Variants in ZNF345 observed in about 807,000 individuals in gnomAD.
ZNF345 encodes zinc finger protein HZF10.
For synonymous variants in ZNF345, 166 were observed against 187.9 expected, an observed-to-expected ratio of 0.88 and a Z score of 0.95; for missense variants, 527 against 589.9, an observed-to-expected ratio of 0.89 and a Z score of 1.10.
At chr19:36,874,627 A>G (rs1245418106) in intron 2 of ZNF345, among the ~76,000 whole-genome samples, 1 of 152,008 alleles carries the variant, frequency 6.6e-6, no homozygotes, top group Non-Finnish European at 1.5e-5. Flanking sequence ...TAAAAATACA[A>G]AATTAGCCAG....
intron 2 of ZNF345, among the ~76,000 whole-genome samples, chr19:36,863,999 AG>A (rs2072608910): frequency 6.6e-6 from 1 of 152,250 alleles, no homozygotes; most frequent in Non-Finnish European, 1.5e-5. Context: ...AGATACTAAA[AG>A]GCATGACCAA....
chr19:36,870,060 C>T (rs1951067178), intron 2 of ZNF345, among the ~76,000 whole-genome samples: 1 of 152,178 alleles, frequency 6.6e-6, no homozygotes, highest in African/African-American at 2.4e-5. Context: ...GGATTACAGA[C>T]TTGAGCCACT....
At chr19:36,892,975 A>G (rs1049944751) in exon 4 of ZNF345, 8 of 445,794 alleles carry the variant, frequency 1.8e-5, no homozygotes, top group Non-Finnish European at 3.8e-6. Flanking sequence ...GCTCCAGGGC[A>G]TGCACCATGC....
At chr19:36,866,406 C>G (rs1308167649) in intron 2 of ZNF345, among the ~76,000 whole-genome samples, 4 of 152,150 alleles carry the variant, frequency 2.6e-5, no homozygotes. Flanking sequence ...TGAAGTGTAA[C>G]TATTAAGTAG....
At chr19:36,891,216 G>A (rs1600726481) in intron 3 of ZNF345, 1 of 322,462 alleles carries the variant, frequency 3.1e-6, no homozygotes, top group East Asian at 5.2e-5. Flanking sequence ...GTTAACAGAG[G>A]TTAGGAAAAA....
intron 3 of ZNF345, among the ~76,000 whole-genome samples, chr19:36,887,565 TATAA>T (rs1345204889): frequency 2.0e-5 from 3 of 152,196 alleles, no homozygotes; most frequent in South Asian, 4.1e-4. Context: ...TCAAATTATT[TATAA>T]ATAGTCATTC....
intron 2 of ZNF345, among the ~76,000 whole-genome samples, chr19:36,873,887 A>G (rs771311360): frequency 5.9e-5 from 9 of 152,120 alleles, no homozygotes; most frequent in Non-Finnish European, 1.0e-4. Context: ...CAGTGGGCAC[A>G]TAGGTTATTT....
In ZNF345 at chr19:36,878,351, G is replaced by T. The variant is rs180708969; in HGVS notation, c.*54G>T. The T allele has an allele frequency of 2.4e-5, 35 of 1,485,364 alleles. No individual in the cohort carries two copies. The East Asian group carries it at 7.1e-4, about 30-fold the overall frequency. The allele number at this position is 1,485,364 out of a possible 1,614,324, so 92.0% of individuals were successfully genotyped here. ...CATATGACTTAAGAAAATTCATAGT[G>T]GTGAAAATCTCTACAAATAGAACTA... On this transcript the variant is annotated 3_prime_UTR_variant, in exon 3 of 3. Coordinates refer to ENST00000420450, the MANE Select transcript of ZNF345 (RefSeq NM_001242472.2).
chr19:36,885,537 T>A (rs2146215088), intron 3 of ZNF345, among the ~76,000 whole-genome samples: 1 of 152,162 alleles, frequency 6.6e-6, no homozygotes. Context: ...CCTTTTTCTA[T>A]ATATGGTTAG....
chr19:36,873,959 G>A (rs2072823909), intron 2 of ZNF345, among the ~76,000 whole-genome samples: 1 of 152,092 alleles, frequency 6.6e-6, no homozygotes, highest in Admixed American at 6.5e-5. Context: ...ATCTTCATGA[G>A]GTAGTGATCT....
chr19:36,856,922 G>T (rs1467254167), intron 2 of ZNF345, among the ~76,000 whole-genome samples: 1 of 151,162 alleles, frequency 6.6e-6, no homozygotes, highest in East Asian at 1.9e-4. Context: ...AACACATTTA[G>T]AAAATAGAAG....
Position 36,877,600 on chromosome 19 carries a change from C to G in ZNF345, c.770C>G (p.Pro257Arg), listed in dbSNP as rs367854264. The change falls in exon 3 of 3, where the codon CCA becomes CGA. Residue 257 changes from proline (P) to arginine (R), a missense_variant. By Grantham distance (103) the Pro-to-Arg change is moderately radical (BLOSUM62 -2). Transcript: ENST00000420450. The part of the protein sequence containing the change: ...RHQRIHTGEK[P>R]YICNECGKAF... ...CAGAGAATTCATACCGGTGAGAAAC[C>G]ATATATATGTAATGAATGTGGTAAG... The G allele has an allele frequency of 1.3e-5, 21 of 1,613,886 alleles. No individual in the cohort carries two copies. The highest frequency in any genetic ancestry group is 1.8e-5 in the Non-Finnish European group (21 of 1,179,994).
In ZNF345 at chr19:36,877,028, A is replaced by G; in HGVS notation, c.198A>G (p.Glu66=). 6.2e-7 allele frequency: 1 copy of G among 1,614,180 alleles called. No homozygotes were observed. The highest frequency in any genetic ancestry group is 1.1e-5 in the South Asian group (1 of 91,086). The part of the protein sequence containing the change: ...HTDEKLLECK[E]CGKDFSFVSV... ...ATGAGAAACTCCTTGAATGTAAGGA[A>G]TGTGGGAAGGATTTTAGTTTTGTAT... Residue 66 remains glutamate, a synonymous_variant, in exon 3 of 3, where the codon GAA becomes GAG. Transcript: ENST00000420450.
At chr19:36,892,932 T>C (rs1185853793) in exon 4 of ZNF345, 9 of 885,000 alleles carry the variant, frequency 1.0e-5, no homozygotes, top group Non-Finnish European at 1.4e-5. Context: ...TGGAGGGCCA[T>C]GGAGGAGGAC....
intron 3 of ZNF345, among the ~76,000 whole-genome samples, chr19:36,885,935 C>T (rs2072993706): frequency 6.6e-6 from 1 of 152,134 alleles, no homozygotes; most frequent in South Asian, 2.1e-4. Flanking sequence ...TGATACCATC[C>T]TGATCCTAAC....
intron 2 of ZNF345, chr19:36,854,563 A>T (rs1250552271): frequency 1.3e-5 from 2 of 152,240 alleles, no homozygotes; most frequent in South Asian, 2.1e-4. Context: ...GGTTACTGGT[A>T]ACAGTGCCTG....
At chr19:36,857,832 G>T (rs974231598) in intron 2 of ZNF345, among the ~76,000 whole-genome samples, 1 of 152,106 alleles carries the variant, frequency 6.6e-6, no homozygotes, top group African/African-American at 2.4e-5. Context: ...CGGCTGGAGT[G>T]CAATGGCACG....
chr19:36,851,008 C>G (rs1883442018), intron 1 of ZNF345, 40 bp downstream of exon 1: 4 of 153,264 alleles, frequency 2.6e-5, no homozygotes, highest in Admixed American at 1.3e-4. Flanking sequence ...ACAGGAACTC[C>G]CGACCTGTGT....
downstream of ZNF345, among the ~76,000 whole-genome samples, chr19:36,884,244 T>C (rs996962519): frequency 2.6e-5 from 4 of 152,070 alleles, no homozygotes; most frequent in Non-Finnish European, 4.4e-5. Flanking sequence ...TTTTTGTACT[T>C]TTAGTAGAGA....
Sources: allele counts gnomAD v4.1 joint callset (sites outside exome capture counted in the v4.1 genomes callset), GRCh38; gene constraint gnomAD v4.1.1; transcripts MANE v1.5; gene names NCBI Gene and HGNC (gene_info 2026-07-23, HGNC 2026-07-21).